The following CYP39A1 variants were observed in gnomAD, a reference collection of about 807,000 sequenced individuals.
The protein encoded by CYP39A1 is cytochrome P450 family 39 subfamily A member 1, also known as 24-hydroxycholesterol 7-alpha-hydroxylase.
CYP39A1 carries 49 observed loss-of-function variants against 58.1 expected under a neutral mutation model. That is an observed-to-expected ratio of 0.84 (90% confidence interval 0.67 to 1.07). CYP39A1 has a LOEUF of 1.07. Ranked by LOEUF, CYP39A1 falls within the 50% of genes least tolerant of loss-of-function variation. The pLI, the probability that CYP39A1 is intolerant of heterozygous loss-of-function variation, is 0.00. For missense variants in CYP39A1, 531 were observed against 539.4 expected (o/e 0.98, Z 0.16); for synonymous variants, 209 against 187.6 (o/e 1.11, Z -0.93).
intron 7 of CYP39A1, among the ~76,000 whole-genome samples, chr6:46,618,553 CA>C (rs997842001): frequency 5.9e-5 from 9 of 151,302 alleles, no homozygotes; most frequent in African/African-American, 1.9e-4. Flanking sequence ...AAACCATAGG[CA>C]AAAAAAATGC....
intron 7 of CYP39A1, among the ~76,000 whole-genome samples, chr6:46,624,515 G>T (rs979468865): frequency 6.6e-6 from 1 of 151,728 alleles, no homozygotes; most frequent in African/African-American, 2.4e-5. Flanking sequence ...GATATTCATG[G>T]TTGCCAAGCC....
chr6:46,647,236 G>A (rs1762381825), intron 1 of CYP39A1, among the ~76,000 whole-genome samples: 1 of 151,806 alleles, frequency 6.6e-6, no homozygotes, highest in East Asian at 1.9e-4. Flanking sequence ...TCAAGAGACT[G>A]GGTTAAAATA....
intron 11 of CYP39A1, among the ~76,000 whole-genome samples, chr6:46,553,309 T>A (rs2150475854): frequency 6.6e-6 from 1 of 152,302 alleles, no homozygotes; most frequent in Admixed American, 6.5e-5. Context: ...AACCATGACC[T>A]TTTCATTTCT....
intron 7 of CYP39A1, among the ~76,000 whole-genome samples, chr6:46,611,794 A>T (rs1419123957): frequency 6.6e-6 from 1 of 152,190 alleles, no homozygotes; most frequent in East Asian, 1.9e-4. Context: ...TTGATCTAGA[A>T]ATACCCTTAT....
rs1435845311 is a variant in CYP39A1, at chr6:46,587,124, CA to C, written c.1202del (p.Leu401TrpfsTer22). ...KKANLEKHSFLDCFMAFGSGK... is the reference protein window; with the variant it reads ...KKANLEKHSFXDCFMAFGSGK... The stretch of plus-strand genomic sequence containing the variant: ...CGCTTCCAAATGCCATGAAGCAGTC[CA>C]AGAAAGAGTGCTTCTCTAAATTTGC... On this transcript the variant is annotated frameshift_variant, in exon 10 of 12. Transcript: ENST00000275016. LOFTEE classifies it high-confidence loss of function. The C allele has an allele frequency of 2.5e-6, 4 of 1,612,052 alleles. No individual in the cohort carries two copies. The highest frequency in any genetic ancestry group is 3.4e-6 in the Non-Finnish European group (4 of 1,179,114).
chr6:46,554,031 CA>C (rs1185212605), intron 10 of CYP39A1, among the ~76,000 whole-genome samples, 177 bp from the exon 11 acceptor site: 1 of 152,080 alleles, frequency 6.6e-6, no homozygotes, highest in Non-Finnish European at 1.5e-5. Flanking sequence ...CCACCTACTC[CA>C]TAGGGTAGCG....
chr6:46,590,233 T>C (rs887071273), intron 8 of CYP39A1, among the ~76,000 whole-genome samples: 13 of 152,178 alleles, frequency 8.5e-5, no homozygotes, highest in Non-Finnish European at 1.3e-4. Flanking sequence ...ACAACTTCTG[T>C]GTGTTGCAAG....
chr6:46,568,095 A>G (rs1006615535), intron 10 of CYP39A1, among the ~76,000 whole-genome samples: 2 of 152,036 alleles, frequency 1.3e-5, no homozygotes, highest in East Asian at 1.9e-4. Context: ...TGTATAATCA[A>G]CTTTCACAGG....
At chr6:46,561,090 CTA>C (rs1423337086) in intron 10 of CYP39A1, among the ~76,000 whole-genome samples, 2 of 152,134 alleles carry the variant, frequency 1.3e-5, no homozygotes, top group African/African-American at 4.8e-5. Context: ...TTTCAAATAA[CTA>C]AGTTGGCATT....
intron 10 of CYP39A1, among the ~76,000 whole-genome samples, chr6:46,565,788 G>T (rs1222846858): frequency 6.6e-6 from 1 of 152,156 alleles, no homozygotes; most frequent in Admixed American, 6.6e-5. Context: ...GCAGGATCCA[G>T]TCAGATCATG....
rs929502199 is a variant in CYP39A1 at position 46,650,049 on chromosome 6, C to T, written c.177+2357G>A. 6.6e-5 allele frequency among the ~76,000 whole-genome samples: 10 copies of T among 150,856 alleles called. No homozygotes were observed. The East Asian group carries it at 7.8e-4, about 12-fold the overall frequency. On this transcript the variant is annotated intron_variant, in intron 1 of 11. Transcript: ENST00000275016. Reference sequence around the variant, plus strand: ...TACTGAGTACCTGTTGCAGCCACTGCGAAAACTCAGAATGGACCCCCACCC... The same window carrying T: ...TACTGAGTACCTGTTGCAGCCACTGTGAAAACTCAGAATGGACCCCCACCC...
intron 10 of CYP39A1, among the ~76,000 whole-genome samples, chr6:46,565,034 TGCA>T (rs1205447559): frequency 1.3e-5 from 2 of 152,204 alleles, no homozygotes; most frequent in Non-Finnish European, 2.9e-5. Context: ...CAAATTTTAG[TGCA>T]TCAGAATCAT....
At position 46,598,635 on chromosome 6, in the gene CYP39A1, A is replaced by G. The variant is rs546510561; in HGVS notation, c.932-2515T>C. ...TTGAAAAGTGGCTGAGATTTTGCAT[A>G]TGTAACAGATATCATTGCTAAATCA... On this transcript the variant is annotated intron_variant, in intron 7 of 11. Transcript: ENST00000275016. Among the ~76,000 whole-genome samples the G allele has an allele frequency of 2.0e-5, 3 of 152,332 alleles. No individual in the cohort carries two copies. The South Asian group carries it at 6.2e-4, about 32-fold the overall frequency.
At chr6:46,588,009 A>G (rs1371551794) in intron 9 of CYP39A1, 25 bp downstream of exon 9, 3 of 1,311,828 alleles carry the variant, frequency 2.3e-6, no homozygotes, top group Non-Finnish European at 1.1e-6. Flanking sequence ...TGAAAGAATA[A>G]TATATACTGA....
intron 7 of CYP39A1, among the ~76,000 whole-genome samples, chr6:46,600,285 A>AT (rs892045921): frequency 3.3e-5 from 5 of 151,648 alleles, no homozygotes; most frequent in African/African-American, 7.3e-5. Flanking sequence ...ACACCCAGCT[A>AT]TTTTTTTGTA....
Position 46,596,139 on chromosome 6 carries a change from T to C in CYP39A1, c.932-19A>G. 1 of 1,587,888 alleles carries C rather than the reference T, an allele frequency of 6.3e-7. No individual in the cohort carries two copies. Among genetic ancestry groups the C allele is most frequent in the Non-Finnish European group, 8.6e-7 (1 of 1,165,384 alleles). On this transcript the variant is annotated intron_variant, in intron 7 of 11. Transcript: ENST00000275016. The stretch of plus-strand genomic sequence containing the variant: ...TCTTTGCCTGTAAAAAAATTTTTAA[T>C]GAGAAATAAATAGACTACAGAGGTC...
chr6:46,565,763 C>G (rs1212713154), intron 10 of CYP39A1, among the ~76,000 whole-genome samples: 1 of 152,122 alleles, frequency 6.6e-6, no homozygotes, highest in Non-Finnish European at 1.5e-5. Flanking sequence ...AGATAGAGCA[C>G]TGTCATCACC....
intron 8 of CYP39A1, among the ~76,000 whole-genome samples, chr6:46,589,537 C>T (rs921581451): frequency 6.6e-6 from 1 of 151,978 alleles, no homozygotes; most frequent in African/African-American, 2.4e-5. Context: ...CCCAGGAGAA[C>T]CCCTGTTGGC....
chr6:46,585,521 A>G (rs1029681846), intron 10 of CYP39A1, among the ~76,000 whole-genome samples: 2 of 152,132 alleles, frequency 1.3e-5, no homozygotes, highest in Non-Finnish European at 2.9e-5. Flanking sequence ...TGAAAATAAT[A>G]TGAGAGGCAG....
Sources: gnomAD v4.1 joint callset for allele counts (sites outside exome capture counted in the v4.1 genomes callset) on GRCh38, gnomAD v4.1.1 for gene constraint, MANE v1.5 for transcripts, NCBI Gene and HGNC (gene_info 2026-07-23, HGNC 2026-07-21) for gene names.